The following SNX29 variants were observed in gnomAD, a reference collection of about 807,000 sequenced individuals.
SNX29 encodes the protein sorting nexin-29.
Under a neutral mutation model 102.1 loss-of-function variants are expected in SNX29, and 78 were observed. That is an observed-to-expected ratio of 0.76 (90% CI 0.64 to 0.92). The LOEUF (loss-of-function observed/expected upper bound fraction) is 0.92. SNX29 is among the 40% of genes least tolerant of loss of function. The pLI is 0.00. For missense variants in SNX29, 1,280 were observed against 1,061.7 expected (o/e 1.21, Z -2.86); for synonymous variants, 580 against 414.5 (o/e 1.40, Z -4.85).
At chr16:12,542,725 A>C (rs150760226) in intron 20 of SNX29, among the ~76,000 whole-genome samples, 1 of 137,698 alleles carries the variant, frequency 7.3e-6, no homozygotes, top group African/African-American at 2.7e-5. Context: ...TTTACTCTTA[A>C]ATCTTGTGCA....
chr16:12,253,927 A>G (rs2078493716), intron 14 of SNX29, among the ~76,000 whole-genome samples: 1 of 151,954 alleles, frequency 6.6e-6, no homozygotes, highest in African/African-American at 2.4e-5. Context: ...GGAAGTGAGA[A>G]TGGTAAGAAG....
At chr16:12,148,612 C>G (rs761698862) in intron 13 of SNX29, among the ~76,000 whole-genome samples, 1 of 152,170 alleles carries the variant, frequency 6.6e-6, no homozygotes, top group East Asian at 1.9e-4. Flanking sequence ...TTTTCTAATA[C>G]ATCACTTCTT....
intron 20 of SNX29, among the ~76,000 whole-genome samples, chr16:12,566,415 C>T (rs968758594): frequency 3.8e-4 from 19 of 50,434 alleles, no homozygotes; most frequent in African/African-American, 1.3e-3. Flanking sequence ...GAGCCTGTTA[C>T]CTCCAGGGCC....
intron 15 of SNX29, among the ~76,000 whole-genome samples, chr16:12,307,938 T>C (rs1255382927): frequency 6.6e-6 from 1 of 151,998 alleles, no homozygotes; most frequent in Non-Finnish European, 1.5e-5. Context: ...GCAATCAGGG[T>C]CTGTTTGAGT....
At chr16:12,075,894 C>T (rs920889965) in intron 10 of SNX29, among the ~76,000 whole-genome samples, 6 of 152,246 alleles carry the variant, frequency 3.9e-5, no homozygotes, top group East Asian at 3.9e-4. Flanking sequence ...ACCAGCCTCG[C>T]TGCCGCCTTG....
At chr16:12,036,370 T>C (rs1424610051) in intron 4 of SNX29, among the ~76,000 whole-genome samples, 1 of 148,750 alleles carries the variant, frequency 6.7e-6, no homozygotes, top group Non-Finnish European at 1.5e-5. Context: ...AGTCTTGCTC[T>C]GTTGCCCAGG....
intron 20 of SNX29, among the ~76,000 whole-genome samples, chr16:12,545,023 T>C (rs1378310733): frequency 6.6e-6 from 1 of 152,196 alleles, no homozygotes; most frequent in Non-Finnish European, 1.5e-5. Context: ...AGATGTCGGC[T>C]TCAGTAGCCA....
intron 18 of SNX29, among the ~76,000 whole-genome samples, chr16:12,417,861 TG>T (rs1006875958): frequency 2.6e-5 from 4 of 152,144 alleles, no homozygotes; most frequent in Admixed American, 2.6e-4. Flanking sequence ...TCTTGAGCCC[TG>T]GGAAGAGAAG....
At chr16:12,234,584 AT>A (rs1260750601) in intron 14 of SNX29, among the ~76,000 whole-genome samples, 4 of 150,978 alleles carry the variant, frequency 2.6e-5, no homozygotes, top group Non-Finnish European at 4.4e-5. Flanking sequence ...GAATTCATCT[AT>A]TTTTTCTTTT....
intron 20 of SNX29, among the ~76,000 whole-genome samples, chr16:12,543,142 G>A (rs924176171): frequency 6.6e-6 from 1 of 152,160 alleles, no homozygotes; most frequent in African/African-American, 2.4e-5. Flanking sequence ...TTAGATCCAG[G>A]CCCTGAAGCA....
chr16:12,189,855 G>T (rs1258924333), intron 13 of SNX29, among the ~76,000 whole-genome samples: 1 of 152,008 alleles, frequency 6.6e-6, no homozygotes, highest in Non-Finnish European at 1.5e-5. Context: ...CCATTTATCA[G>T]TGGGAACTTT....
chr16:12,160,971 C>G (rs752507743), intron 13 of SNX29, among the ~76,000 whole-genome samples: 1 of 152,200 alleles, frequency 6.6e-6, no homozygotes, highest in Non-Finnish European at 1.5e-5. Context: ...TCGAGATATG[C>G]AAATCATCCT....
rs933225305 is a variant in SNX29, at chr16:12,141,021, G to A, written c.1595+11263G>A. 3.3e-5 allele frequency among the ~76,000 whole-genome samples: 5 copies of A among 152,322 alleles called. No homozygotes were observed. In the East Asian group the frequency reaches 9.6e-4, roughly 29 times the overall value. On this transcript the variant is annotated intron_variant, in intron 13 of 20. Transcript: ENST00000566228. ...AGATTTCAGTACATATTGGTCTGGC[G>A]CAACTGTGCTAGAAAACATGCTGAC... is the stretch of plus-strand genomic sequence containing the variant.
intron 18 of SNX29, among the ~76,000 whole-genome samples, chr16:12,468,195 T>C (rs13380476): frequency 9.7e-6 from 1 of 103,238 alleles, no homozygotes; most frequent in Non-Finnish European, 1.9e-5. Flanking sequence ...TTTTTTTTTT[T>C]AGGGGGAGTT....
At chr16:12,349,858 G>A (rs2081945536) in intron 15 of SNX29, among the ~76,000 whole-genome samples, 1 of 152,042 alleles carries the variant, frequency 6.6e-6, no homozygotes. Flanking sequence ...ATAGGTCAAT[G>A]CTTCTAAAAC....
chr16:12,559,111 C>G (rs1055496453), intron 20 of SNX29, among the ~76,000 whole-genome samples: 4 of 152,142 alleles, frequency 2.6e-5, no homozygotes, highest in African/African-American at 9.7e-5. Context: ...GAGTAGTAGT[C>G]AAATCAGGCT....
intron 20 of SNX29, among the ~76,000 whole-genome samples, chr16:12,559,718 C>T (rs1238810403): frequency 6.6e-6 from 1 of 152,132 alleles, no homozygotes; most frequent in African/African-American, 2.4e-5. Flanking sequence ...ATGGTGAGAA[C>T]ACCAAGAAAT....
intron 13 of SNX29, among the ~76,000 whole-genome samples, chr16:12,196,465 G>T (rs527950771): frequency 6.6e-6 from 1 of 152,184 alleles, no homozygotes; most frequent in Admixed American, 6.5e-5. Flanking sequence ...TGGGAATGAG[G>T]CACAGCTTTT....
In SNX29 at chr16:12,315,333, T is replaced by A. The variant is rs189513402; in HGVS notation, c.1782+37297T>A. The stretch of plus-strand genomic sequence containing the variant: ...CATAAAGGGTGGCCAGAGAGTAAAT[T>A]CTTTACACCTTGTGGATCTAACGCC... On this transcript the variant is annotated intron_variant, in intron 15 of 20. Coordinates refer to ENST00000566228, the MANE Select transcript of SNX29 (RefSeq NM_032167.5). 5.9e-5 allele frequency among the ~76,000 whole-genome samples: 9 copies of A among 152,314 alleles called. No homozygotes were observed. The East Asian group carries it at 1.5e-3, about 26-fold the overall frequency.
Sources: gnomAD v4.1 joint callset for allele counts (sites outside exome capture counted in the v4.1 genomes callset) on GRCh38, gnomAD v4.1.1 for gene constraint, MANE v1.5 for transcripts, NCBI Gene and HGNC (gene_info 2026-07-23, HGNC 2026-07-21) for gene names.